AKAP6: variants seen among roughly 807,000 people sequenced by gnomAD.
AKAP6 encodes A-kinase anchor protein 6.
In AKAP6, 58 loss-of-function variants were observed where a neutral mutation model predicts 188.5. The ratio of observed to expected loss-of-function variants is 0.31; its 90% confidence interval spans 0.25 to 0.38. The LOEUF is 0.38. Ranked by LOEUF, AKAP6 falls within the 10% of genes least tolerant of loss-of-function variation. The probability of loss-of-function intolerance (pLI) is 1.00; values close to 1 mark genes in which losing one functional copy is unlikely to be tolerated. For missense variants in AKAP6, 2,710 were observed against 2,740.0 expected (o/e 0.99, Z 0.24); for synonymous variants, 989 against 998.6 (o/e 0.99, Z 0.18).
chr14:32,442,087 G>A (rs1890594260), intron 2 of AKAP6, among the ~76,000 whole-genome samples: 1 of 152,162 alleles, frequency 6.6e-6, no homozygotes, highest in South Asian at 2.1e-4. Flanking sequence ...TGCCTTGAGA[G>A]TTTTCATTTC....
intron 7 of AKAP6, among the ~76,000 whole-genome samples, chr14:32,609,922 C>CACACACAT (rs1555344439): frequency 6.9e-6 from 1 of 144,836 alleles, no homozygotes; most frequent in East Asian, 2.0e-4. Context: ...CACACACACA[C>CACACACAT]GTTCATTCCT....
rs759940706 is a variant in AKAP6, at chr14:32,821,869, T to C, written c.4056T>C (p.His1352=). 1.4e-5 allele frequency: 22 copies of C among 1,613,764 alleles called. No homozygotes were observed. In the South Asian group the frequency reaches 2.2e-4, roughly 16 times the overall value. Residue 1352 remains histidine, a synonymous_variant, in exon 13 of 14, where the codon CAT becomes CAC. Transcript: ENST00000280979. The part of the protein sequence containing the change: ...GSNLVKPCAC[H]GGDMSQNSGS... ...ATTTGGTAAAGCCCTGCGCATGTCATGGAGGAGACATGAGCCAGAATTCAG... is the reference window on the plus strand; with the variant it reads ...ATTTGGTAAAGCCCTGCGCATGTCACGGAGGAGACATGAGCCAGAATTCAG...
intron 8 of AKAP6, among the ~76,000 whole-genome samples, chr14:32,684,211 A>C (rs1462312364): frequency 2.0e-5 from 3 of 152,216 alleles, no homozygotes; most frequent in Non-Finnish European, 1.5e-5. Flanking sequence ...ATGGGGTAGC[A>C]GAGGCTGAGA....
intron 2 of AKAP6, among the ~76,000 whole-genome samples, chr14:32,510,661 T>C (rs1029622897): frequency 1.3e-5 from 2 of 151,846 alleles, no homozygotes; most frequent in Admixed American, 6.6e-5. Flanking sequence ...ACCAATGTTT[T>C]CCACCTAAGA....
chr14:32,589,380 A>G (rs1885383993), intron 5 of AKAP6, among the ~76,000 whole-genome samples: 1 of 152,098 alleles, frequency 6.6e-6, no homozygotes, highest in Non-Finnish European at 1.5e-5. Context: ...CCTGGCCTTG[A>G]GTTTCTTCCT....
intron 4 of AKAP6, among the ~76,000 whole-genome samples, chr14:32,576,020 A>G (rs1402214048): frequency 1.3e-5 from 2 of 152,098 alleles, no homozygotes; most frequent in African/African-American, 4.8e-5. Flanking sequence ...TAATTGCTTG[A>G]ATTAAAGGTT....
At position 32,568,227 on chromosome 14, in the gene AKAP6, A is replaced by G. The variant is rs1261579371; in HGVS notation, c.2347-8893A>G. Among the ~76,000 whole-genome samples, 1 of 152,188 alleles carries G rather than the reference A, an allele frequency of 6.6e-6. No individual in the cohort carries two copies. Among genetic ancestry groups the G allele is most frequent in the Non-Finnish European group, 1.5e-5 (1 of 68,022 alleles). On this transcript the variant is annotated intron_variant, in intron 4 of 13. Coordinates refer to ENST00000280979, the MANE Select transcript of AKAP6 (RefSeq NM_004274.5). The surrounding 1 kb of genome is among the most constrained non-coding windows in gnomAD (Gnocchi z 6.2). ...TTTCCTCTCTATGGACTTTGTGGGA[A>G]CAAATCTGGTTAGAGAGAGAATATA...
At chr14:32,502,600 T>G (rs8014467) in intron 2 of AKAP6, among the ~76,000 whole-genome samples, 121,704 of 152,030 alleles carry the variant, frequency 0.8, 49,442 homozygotes, top group African/African-American at 0.92. Context: ...AACCCAACTT[T>G]GTAGGTACTC....
intron 7 of AKAP6, among the ~76,000 whole-genome samples, chr14:32,624,283 T>C (rs772541280): frequency 6.6e-6 from 1 of 152,154 alleles, no homozygotes; most frequent in Non-Finnish European, 1.5e-5. Flanking sequence ...AATGTGCTGT[T>C]CAAGAAAAAT....
At chr14:32,526,534 C>A (rs1243519777) in intron 2 of AKAP6, among the ~76,000 whole-genome samples, 2 of 152,100 alleles carry the variant, frequency 1.3e-5, no homozygotes, top group Non-Finnish European at 2.9e-5. Context: ...GTGCCTGGCC[C>A]AGGCTTGCAT....
chr14:32,375,203 A>G (rs1954331380), intron 1 of AKAP6, among the ~76,000 whole-genome samples: 1 of 152,210 alleles, frequency 6.6e-6, no homozygotes, highest in African/African-American at 2.4e-5. Flanking sequence ...GAGAGAATAG[A>G]AAAAGTAAAA....
chr14:32,623,685 G>A (rs923476361), intron 7 of AKAP6, among the ~76,000 whole-genome samples: 8 of 152,134 alleles, frequency 5.3e-5, no homozygotes, highest in African/African-American at 1.9e-4. Context: ...TTTGCAGTTA[G>A]AGAAGACTCA....
rs531189323 is a variant in AKAP6 at position 32,817,629 on chromosome 14, G to T, written c.3589-3773G>T. Among the ~76,000 whole-genome samples the T allele has an allele frequency of 1.9e-4, 29 of 152,154 alleles. No homozygotes were observed. The South Asian group carries it at 4.8e-3, about 25-fold the overall frequency. On this transcript the variant is annotated intron_variant, in intron 12 of 13. Coordinates refer to ENST00000280979, the MANE Select transcript of AKAP6 (RefSeq NM_004274.5). ...TTAATTCAGAATTATTTCTGGAATT[G>T]CAGGCTGTCTTTTGGAACCTCATTT...
chr14:32,571,712 A>G (rs1188827430), intron 4 of AKAP6, among the ~76,000 whole-genome samples: 1 of 152,182 alleles, frequency 6.6e-6, no homozygotes, highest in Non-Finnish European at 1.5e-5. Context: ...ACACATTCAC[A>G]TACACTTCCA....
At chr14:32,433,224 G>A in intron 1 of AKAP6, 1 of 379,948 alleles carries the variant, frequency 2.6e-6, no homozygotes, top group South Asian at 3.4e-5. Flanking sequence ...GAATAGATGG[G>A]GGCGGTGGGG....
chr14:32,509,099 G>GT (rs1304752973), intron 2 of AKAP6, among the ~76,000 whole-genome samples: 4 of 138,634 alleles, frequency 2.9e-5, no homozygotes, highest in African/African-American at 5.4e-5. Context: ...GATTACAGGC[G>GT]TAAGCCACCA....
rs143969362 is a variant in AKAP6, at chr14:32,613,282, C to T, written c.2730+12490C>T. Among the ~76,000 whole-genome samples, 423 of 152,294 alleles carry T rather than the reference C, an allele frequency of 2.8e-3. 4 individuals are homozygous for T. The highest frequency in any genetic ancestry group is 0.01 in the Middle Eastern group (3 of 294). The stretch of plus-strand genomic sequence containing the variant: ...TCATTAGATAGATGACGAGCAAATA[C>T]GGAATTTCACTGGATGCTTTCATGT... On this transcript the variant is annotated intron_variant, in intron 7 of 13. Transcript: ENST00000280979.
rs147650174 is a variant in AKAP6, at chr14:32,576,767, G to C, written c.2347-353G>C. 2.2e-3 allele frequency among the ~76,000 whole-genome samples: 342 copies of C among 152,278 alleles called. 1 individual carries two copies. Among genetic ancestry groups the C allele is most frequent in the Non-Finnish European group, 3.9e-3 (268 of 68,010 alleles). On this transcript the variant is annotated intron_variant, in intron 4 of 13. Coordinates refer to ENST00000280979, the MANE Select transcript of AKAP6 (RefSeq NM_004274.5). ...CCAAAGCCAACGAGTGTTCCTAGCA[G>C]ACCTGACCTGATTTTTTGGCAGGGG...
chr14:32,800,325 C>T (rs2033913175), intron 12 of AKAP6, among the ~76,000 whole-genome samples: 1 of 151,300 alleles, frequency 6.6e-6, no homozygotes, highest in Admixed American at 6.6e-5. Context: ...TTGCTCAAGC[C>T]TAGGAGGCAG....
Sources: allele counts gnomAD v4.1 joint callset (sites outside exome capture counted in the v4.1 genomes callset), GRCh38; gene constraint gnomAD v4.1.1; non-coding constraint Gnocchi (gnomAD v3.1); transcripts MANE v1.5; gene names NCBI Gene and HGNC (gene_info 2026-07-23, HGNC 2026-07-21).